Variants in ADGRL3 observed in about 807,000 individuals in gnomAD.
ADGRL3 encodes calcium-independent alpha-latrotoxin receptor 3.
A neutral mutation model predicts 153.5 loss-of-function variants in ADGRL3; 62 were observed. That is an observed-to-expected ratio of 0.40 (90% confidence interval 0.33 to 0.50). The LOEUF is 0.50. Ranked by LOEUF, ADGRL3 falls within the 20% of genes least tolerant of loss-of-function variation. The pLI is 0.47. For synonymous variants in ADGRL3, 710 were observed against 672.5 expected (o/e 1.06, Z -0.86); for missense variants, 1,641 against 1,859.4 (o/e 0.88, Z 2.16).
intron 1 of ADGRL3, among the ~76,000 whole-genome samples, chr4:61,301,981 C>G (rs984120122): frequency 6.6e-6 from 1 of 151,984 alleles, no homozygotes; most frequent in African/African-American, 2.4e-5. Context: ...GAAATCAGTT[C>G]GAAGGGATCT....
At chr4:61,380,278 T>C (rs959747134) in intron 1 of ADGRL3, among the ~76,000 whole-genome samples, 2 of 151,992 alleles carry the variant, frequency 1.3e-5, no homozygotes, top group Non-Finnish European at 2.9e-5. Context: ...ATGCAGAGGT[T>C]AGCTCTGTGA....
chr4:61,620,522 C>A (rs1158011282), intron 5 of ADGRL3, among the ~76,000 whole-genome samples: 1 of 151,838 alleles, frequency 6.6e-6, no homozygotes, highest in Non-Finnish European at 1.5e-5. Flanking sequence ...AGCCGGGTAC[C>A]AGTGTCTCTT....
chr4:61,523,375 T>C (rs913588688), intron 4 of ADGRL3, among the ~76,000 whole-genome samples: 3 of 152,118 alleles, frequency 2.0e-5, no homozygotes, highest in African/African-American at 7.2e-5. Context: ...TAATGTGGCT[T>C]TTAGAGTGCT....
intron 18 of ADGRL3, among the ~76,000 whole-genome samples, chr4:61,980,949 G>T (rs934695913): frequency 2.0e-5 from 3 of 152,172 alleles, no homozygotes; most frequent in Non-Finnish European, 4.4e-5. Context: ...CCATATGTGT[G>T]CAGGTTTTTG....
rs200654877 is a variant in ADGRL3, at chr4:61,521,897, G to GA, written c.259+4388dup. Among the ~76,000 whole-genome samples, 74 of 149,702 alleles carry GA rather than the reference G, an allele frequency of 4.9e-4. 1 individual carries two copies. Among genetic ancestry groups the GA allele is most frequent in the East Asian group, 4.3e-3 (22 of 5,118 alleles). On this transcript the variant is annotated intron_variant, in intron 4 of 26. Coordinates refer to ENST00000683033, the MANE Select transcript of ADGRL3 (RefSeq NM_001387552.1). ...TAACTTAAATACAATATACAAATCT[G>GA]AAAAAAAAACTAAACTAAAAATGTT...
At chr4:61,370,193 T>C (rs2096492242) in intron 1 of ADGRL3, among the ~76,000 whole-genome samples, 1 of 152,030 alleles carries the variant, frequency 6.6e-6, no homozygotes, top group South Asian at 2.1e-4. Flanking sequence ...CCTGGATTCA[T>C]TAATTTTTTG....
intron 9 of ADGRL3, among the ~76,000 whole-genome samples, chr4:61,857,859 AG>A (rs1413267493): frequency 6.6e-6 from 1 of 152,062 alleles, no homozygotes; most frequent in Non-Finnish European, 1.5e-5. Context: ...ACTGCAGGCA[AG>A]CACCACCATT....
chr4:61,305,785 A>G (rs2094758908), intron 1 of ADGRL3, among the ~76,000 whole-genome samples: 1 of 152,122 alleles, frequency 6.6e-6, no homozygotes, highest in African/African-American at 2.4e-5. Flanking sequence ...TTCTCCACTC[A>G]TGAAAGCCAG....
intron 3 of ADGRL3, among the ~76,000 whole-genome samples, chr4:61,513,336 T>G (rs2098473703): frequency 6.6e-6 from 1 of 152,200 alleles, no homozygotes; most frequent in Admixed American, 6.5e-5. Context: ...TATGGGTATT[T>G]ATACCAATTA....
At chr4:61,712,740 C>T (rs2096020968) in intron 6 of ADGRL3, among the ~76,000 whole-genome samples, 1 of 152,178 alleles carries the variant, frequency 6.6e-6, no homozygotes, top group African/African-American at 2.4e-5. Flanking sequence ...ATACTTTGGT[C>T]ACCTATTTAA....
At chr4:61,244,802 G>T (rs746747219) in intron 1 of ADGRL3, among the ~76,000 whole-genome samples, 5 of 151,962 alleles carry the variant, frequency 3.3e-5, no homozygotes, top group Non-Finnish European at 7.4e-5. Context: ...CTAAATATTT[G>T]CACTTAGCAC....
chr4:61,705,805 A>G (rs1403002702), intron 6 of ADGRL3, among the ~76,000 whole-genome samples: 2 of 152,064 alleles, frequency 1.3e-5, no homozygotes, highest in African/African-American at 2.4e-5. Flanking sequence ...CGCCCAGTCG[A>G]GTGGTAATAT....
intron 4 of ADGRL3, among the ~76,000 whole-genome samples, chr4:61,566,925 C>T (rs1007443436): frequency 6.6e-6 from 1 of 152,084 alleles, no homozygotes; most frequent in African/African-American, 2.4e-5. Flanking sequence ...CATATTGTCT[C>T]ATCAATTACC....
intron 1 of ADGRL3, among the ~76,000 whole-genome samples, chr4:61,288,390 C>A (rs1296737182): frequency 6.6e-6 from 1 of 151,876 alleles, no homozygotes; most frequent in East Asian, 1.9e-4. Context: ...AGGACCGACT[C>A]TCTTTTCAAA....
At chr4:61,873,448 A>G (rs1056721323) in intron 9 of ADGRL3, among the ~76,000 whole-genome samples, 2 of 152,200 alleles carry the variant, frequency 1.3e-5, no homozygotes, top group African/African-American at 4.8e-5. Context: ...CTCCTTAAGT[A>G]AAATAGCAAA....
chr4:61,553,786 T>A (rs927594533), intron 4 of ADGRL3, among the ~76,000 whole-genome samples: 1 of 152,208 alleles, frequency 6.6e-6, no homozygotes, highest in Non-Finnish European at 1.5e-5. Context: ...GTAGACTTGG[T>A]CCAAGCTCTC....
chr4:61,714,314 A>G (rs989022711), intron 6 of ADGRL3, among the ~76,000 whole-genome samples: 2 of 151,782 alleles, frequency 1.3e-5, no homozygotes, highest in Non-Finnish European at 2.9e-5. Flanking sequence ...AGAAAGTCAG[A>G]GTTAAAGATT....
chr4:61,231,938 G>T (rs967368386), intron 1 of ADGRL3, among the ~76,000 whole-genome samples: 5 of 151,816 alleles, frequency 3.3e-5, no homozygotes, highest in African/African-American at 1.2e-4. Context: ...GAGACCACTA[G>T]CTTAGCATAA....
chr4:61,827,852 T>C (rs1229887010), intron 9 of ADGRL3, among the ~76,000 whole-genome samples: 3 of 152,160 alleles, frequency 2.0e-5, no homozygotes, highest in Non-Finnish European at 4.4e-5. Context: ...TGAAAGTACA[T>C]GTAGCGTGAA....
Sources: allele counts gnomAD v4.1 joint callset (sites outside exome capture counted in the v4.1 genomes callset), GRCh38; gene constraint gnomAD v4.1.1; transcripts MANE v1.5; gene names NCBI Gene and HGNC (gene_info 2026-07-23, HGNC 2026-07-21).